MZT2A: variants seen among roughly 807,000 people sequenced by gnomAD.
The protein encoded by MZT2A is mitotic spindle organizing protein 2A.
Under a neutral mutation model 12.4 loss-of-function variants are expected in MZT2A, and 8 were observed. That is an observed-to-expected ratio of 0.64 (90% confidence interval 0.38 to 1.16). The LOEUF is 1.16. Ranked by LOEUF, MZT2A falls within the 50% of genes most tolerant of loss-of-function variation. MZT2A has a pLI of 0.01. For missense variants in MZT2A, 181 were observed against 223.6 expected, an observed-to-expected ratio of 0.81 and a Z score of 1.22; for synonymous variants, 88 against 107.5, an observed-to-expected ratio of 0.82 and a Z score of 1.12.
At chr2:131,485,066 C>T (rs184195961) in intron 2 of MZT2A, among the ~76,000 whole-genome samples, 9 of 152,298 alleles carry the variant, frequency 5.9e-5, no homozygotes, top group South Asian at 2.1e-4. Context: ...CAAACGTGCC[C>T]GGGTAGCAGG....
At chr2:131,481,324 A>G (rs1272159219), downstream of MZT2A, among the ~76,000 whole-genome samples, 6 of 151,850 alleles carry the variant, frequency 4.0e-5, no homozygotes, top group Non-Finnish European at 8.8e-5. Flanking sequence ...GCTGTAGTAT[A>G]GTAGTGTGAT....
downstream of MZT2A, among the ~76,000 whole-genome samples, chr2:131,480,920 T>A (rs1250126334): frequency 6.6e-6 from 1 of 152,012 alleles, no homozygotes; most frequent in Non-Finnish European, 1.5e-5. Flanking sequence ...CTTTTTTTTT[T>A]TTTGAGACAG....
At chr2:131,478,064 C>G (rs1293625718) in intron 2 of MZT2A, 1 of 1,479,706 alleles carries the variant, frequency 6.8e-7, no homozygotes, top group Admixed American at 2.2e-5. Context: ...GCGCCAGATA[C>G]TGAAGCAGTA....
upstream of MZT2A, chr2:131,492,576 C>G (rs184933179): frequency 2.9e-3 from 3,368 of 1,180,944 alleles, 14 homozygotes; most frequent in Admixed American, 8.0e-3. Context: ...GAGCGGCGCG[C>G]TAGGCGTCGG....
At chr2:131,472,648 T>C (rs1678484872) in intron 2 of MZT2A, among the ~76,000 whole-genome samples, 1 of 152,234 alleles carries the variant, frequency 6.6e-6, no homozygotes, top group South Asian at 2.1e-4. Context: ...AAATCCTTGC[T>C]GTACAGGTCT....
intron 2 of MZT2A, among the ~76,000 whole-genome samples, chr2:131,473,665 T>C (rs529415272): frequency 1.4e-5 from 2 of 142,048 alleles, no homozygotes; most frequent in Admixed American, 6.7e-5. Context: ...CAAGGAAGGC[T>C]GAGGCTGGGG....
At chr2:131,483,020 C>T, downstream of MZT2A, 1 of 1,150,742 alleles carries the variant, frequency 8.7e-7, no homozygotes, top group Non-Finnish European at 1.2e-6. Context: ...GGGTGCCAGC[C>T]TGCCCTGCTG....
At chr2:131,484,850 C>T (rs756302490) in intron 2 of MZT2A, among the ~76,000 whole-genome samples, 1 of 152,242 alleles carries the variant, frequency 6.6e-6, no homozygotes, top group Admixed American at 6.5e-5. Context: ...ACGCTTGAGA[C>T]TTTCCTTCTG....
intron 2 of MZT2A, among the ~76,000 whole-genome samples, chr2:131,474,257 C>T (rs1678574891): frequency 6.6e-6 from 1 of 151,804 alleles, no homozygotes; most frequent in African/African-American, 2.4e-5. Context: ...GCCGCCACGC[C>T]CGGCTAATTT....
intron 2 of MZT2A, chr2:131,490,498 C>T (rs1488209543): frequency 5.6e-5 from 80 of 1,420,286 alleles, no homozygotes; most frequent in African/African-American, 8.7e-5. Context: ...GTCCTGTCCC[C>T]GGATGCCAGC....
chr2:131,480,526 C>T, downstream of MZT2A: 2 of 1,605,428 alleles, frequency 1.2e-6, no homozygotes. Flanking sequence ...GTCATCTCAG[C>T]TGAGAAGGCC....
At position 131,492,315 on chromosome 2, in the gene MZT2A, G is replaced by T; in HGVS notation, c.62C>A (p.Ala21Asp). The T allele has an allele frequency of 6.5e-7, 1 of 1,527,294 alleles. No homozygotes were observed. The highest frequency in any genetic ancestry group is 8.7e-7 in the Non-Finnish European group (1 of 1,145,372). The allele number at this position is 1,527,294 out of a possible 1,614,324, so 94.6% of individuals were successfully genotyped here. A position where few individuals can be genotyped will look rare whatever the true frequency, so the allele number is the denominator to read the frequency against. ...GSAAPPGLEAARQKLALRRKK... is the reference protein window; with the variant it reads ...GSAAPPGLEADRQKLALRRKK... ...GCGCCGCAGCGCCAGCTTCTGCCGG[G>T]CCGCCTCCAGCCCCGGGGGCGCCGC... Residue 21 changes from alanine to aspartate, a missense_variant, in exon 1 of 3, where the codon GCC (alanine) becomes GAC (aspartate). By Grantham distance (126) the Ala-to-Asp change is moderately radical. Coordinates refer to ENST00000309451, the MANE Select transcript of MZT2A (RefSeq NM_001085365.2).
upstream of MZT2A, chr2:131,493,280 G>T (rs988771817): frequency 1.9e-5 from 25 of 1,331,784 alleles, no homozygotes; most frequent in Admixed American, 5.4e-4. Flanking sequence ...GGCAGGCTGG[G>T]GAGTGGAGGG....
At chr2:131,473,820 G>A (rs546323686) in intron 2 of MZT2A, among the ~76,000 whole-genome samples, 3 of 146,968 alleles carry the variant, frequency 2.0e-5, no homozygotes, top group South Asian at 2.1e-4. Context: ...TGCTCTTCCC[G>A]GGACAGGGGT....
At chr2:131,473,242 C>T (rs1443572349) in intron 2 of MZT2A, among the ~76,000 whole-genome samples, 3 of 152,066 alleles carry the variant, frequency 2.0e-5, no homozygotes, top group South Asian at 2.1e-4. Flanking sequence ...AGGATTCACC[C>T]TCCTGGGGAG....
At chr2:131,478,234 G>A in intron 2 of MZT2A, 1 of 1,614,094 alleles carries the variant, frequency 6.2e-7, no homozygotes, top group Non-Finnish European at 8.5e-7. Context: ...GAACTGTACT[G>A]CCTTGAACAT....
chr2:131,478,268 G>A (rs1433007288), intron 2 of MZT2A: 2 of 1,613,940 alleles, frequency 1.2e-6, no homozygotes, highest in African/African-American at 2.7e-5. Flanking sequence ...ATGGCCAAAT[G>A]CCAAGTGATA....
chr2:131,473,994 G>A (rs1486730145), intron 2 of MZT2A, among the ~76,000 whole-genome samples: 1 of 149,382 alleles, frequency 6.7e-6, no homozygotes, highest in Non-Finnish European at 1.5e-5. Flanking sequence ...ATGCCCTGGG[G>A]TGACTGTTTA....
chr2:131,472,056 C>G (rs778894986), intron 3 of MZT2A: 4 of 1,289,216 alleles, frequency 3.1e-6, no homozygotes, highest in Non-Finnish European at 4.0e-6. Flanking sequence ...CACCCAGAAC[C>G]GAACTGCCTA....
Sources: allele counts gnomAD v4.1 joint callset (sites outside exome capture counted in the v4.1 genomes callset), GRCh38; gene constraint gnomAD v4.1.1; transcripts MANE v1.5; gene names NCBI Gene and HGNC (gene_info 2026-07-23, HGNC 2026-07-21).